CMSS1: variants seen among roughly 807,000 people sequenced by gnomAD.
The protein encoded by CMSS1 is protein CMSS1.
A neutral mutation model predicts 43.5 loss-of-function variants in CMSS1; 33 were observed. That is an observed-to-expected ratio of 0.76 (90% confidence interval 0.57 to 1.01). The LOEUF (loss-of-function observed/expected upper bound fraction) is 1.01. Ranked by LOEUF, CMSS1 falls within the 50% of genes least tolerant of loss-of-function variation. The probability of loss-of-function intolerance (pLI) is 0.00; values close to 1 mark genes in which losing one functional copy is unlikely to be tolerated. For missense variants in CMSS1, 313 were observed against 326.4 expected, an observed-to-expected ratio of 0.96 and a Z score of 0.32; for synonymous variants, 115 against 117.2, an observed-to-expected ratio of 0.98 and a Z score of 0.12.
chr3:100,121,820 A>G (rs2066624087), intron 1 of CMSS1, among the ~76,000 whole-genome samples: 2 of 152,162 alleles, frequency 1.3e-5, no homozygotes, highest in Admixed American at 1.3e-4. Flanking sequence ...TTGATGAAGG[A>G]TGCTGGGACC....
At chr3:99,822,593 G>A (rs528717170) in intron 1 of CMSS1, among the ~76,000 whole-genome samples, 5 of 152,148 alleles carry the variant, frequency 3.3e-5, no homozygotes, top group South Asian at 2.1e-4. Context: ...TTAGCTGGGC[G>A]TGGTGGCACG....
At chr3:99,850,078 G>C in intron 1 of CMSS1, 1 of 1,612,784 alleles carries the variant, frequency 6.2e-7, no homozygotes, top group Non-Finnish European at 8.5e-7. Context: ...AGTAACTGTT[G>C]TTACTTTATT....
intron 1 of CMSS1, among the ~76,000 whole-genome samples, chr3:100,038,137 G>A (rs2065142402): frequency 6.6e-6 from 1 of 151,962 alleles, no homozygotes; most frequent in South Asian, 2.1e-4. Context: ...TGTATTTTTA[G>A]TAGAGACAGA....
intron 1 of CMSS1, among the ~76,000 whole-genome samples, chr3:99,952,640 A>C (rs1708210296): frequency 6.6e-6 from 1 of 152,198 alleles, no homozygotes; most frequent in Non-Finnish European, 1.5e-5. Context: ...ACATACACAC[A>C]GAGAGAAAGA....
intron 7 of CMSS1, 116 bp downstream of exon 7, chr3:100,172,015 A>T (rs746213377): frequency 3.7e-6 from 3 of 801,234 alleles, no homozygotes; most frequent in Non-Finnish European, 6.1e-6. Flanking sequence ...TCCTTATGTA[A>T]CATTTAACAA....
At chr3:99,850,863 A>G (rs1576511762) in intron 1 of CMSS1, 1 of 1,614,044 alleles carries the variant, frequency 6.2e-7, no homozygotes. Context: ...CTAGTTTGGT[A>G]TGTGTTTCCT....
intron 1 of CMSS1, among the ~76,000 whole-genome samples, chr3:99,962,455 A>G (rs1012621793): frequency 2.0e-5 from 3 of 152,188 alleles, no homozygotes; most frequent in Admixed American, 1.3e-4. Context: ...TTGTTAGAGA[A>G]AGGATATATT....
intron 1 of CMSS1, chr3:99,849,308 T>A: frequency 2.5e-6 from 4 of 1,614,186 alleles, no homozygotes; most frequent in Non-Finnish European, 3.4e-6. Context: ...GGATCGGAAA[T>A]TCTTCTTCCA....
At chr3:100,063,095 C>A (rs373064121) in intron 1 of CMSS1, among the ~76,000 whole-genome samples, 5 of 152,094 alleles carry the variant, frequency 3.3e-5, no homozygotes, top group Non-Finnish European at 7.4e-5. Flanking sequence ...TATTATATGC[C>A]TCTTTGTCAT....
At chr3:99,973,714 TCAAAAA>T (rs1391963435) in intron 1 of CMSS1, among the ~76,000 whole-genome samples, 1 of 152,166 alleles carries the variant, frequency 6.6e-6, no homozygotes, top group African/African-American at 2.4e-5. Context: ...GGATCTGCAC[TCAAAAA>T]CCTATTTAAG....
intron 1 of CMSS1, among the ~76,000 whole-genome samples, chr3:99,947,368 T>C (rs1576593225): frequency 6.6e-6 from 1 of 152,228 alleles, no homozygotes; most frequent in Admixed American, 6.5e-5. Context: ...ATTTGATAGC[T>C]ACATAGTATT....
intron 1 of CMSS1, among the ~76,000 whole-genome samples, chr3:100,124,189 A>ATT (rs988675764): frequency 6.7e-6 from 1 of 149,344 alleles, no homozygotes; most frequent in African/African-American, 2.5e-5. Context: ...AAACATTCCT[A>ATT]TTTTTTTTTT....
chr3:100,082,430 T>C (rs530114485), intron 1 of CMSS1, among the ~76,000 whole-genome samples: 4 of 152,370 alleles, frequency 2.6e-5, no homozygotes, highest in African/African-American at 9.6e-5. Flanking sequence ...ACTGTTATCA[T>C]AACTTACAGC....
chr3:100,058,266 CAA>C (rs2065499601), intron 1 of CMSS1, among the ~76,000 whole-genome samples: 1 of 152,180 alleles, frequency 6.6e-6, no homozygotes, highest in Admixed American at 6.5e-5. Context: ...GTTCTATGTT[CAA>C]GGCACGGAAC....
chr3:100,013,033 A>G (rs775916681), intron 1 of CMSS1, among the ~76,000 whole-genome samples: 1 of 151,602 alleles, frequency 6.6e-6, no homozygotes, highest in South Asian at 2.1e-4. Flanking sequence ...CACCCAGCCA[A>G]TTTTTTTGTT....
intron 1 of CMSS1, among the ~76,000 whole-genome samples, chr3:99,869,463 T>C (rs78069697): frequency 0.012 from 1,763 of 152,288 alleles, 20 homozygotes; most frequent in African/African-American, 0.026. Flanking sequence ...AGTAGATAAT[T>C]TTCCTTTTAG....
chr3:99,840,296 T>A (rs1010731081), intron 1 of CMSS1, among the ~76,000 whole-genome samples: 1 of 138,914 alleles, frequency 7.2e-6, no homozygotes, highest in African/African-American at 2.7e-5. Context: ...TGATCTCAGA[T>A]CACTGCAACC....
chr3:99,839,068 C>T (rs972360210), intron 1 of CMSS1, among the ~76,000 whole-genome samples: 1 of 152,096 alleles, frequency 6.6e-6, no homozygotes, highest in Admixed American at 6.6e-5. Context: ...TTGTGGGCAC[C>T]TCTTTGGAGC....
intron 2 of CMSS1, among the ~76,000 whole-genome samples, chr3:100,151,635 C>T (rs770314878): frequency 2.0e-5 from 3 of 152,096 alleles, no homozygotes; most frequent in Admixed American, 6.5e-5. Context: ...CCATATTAAG[C>T]GAGTTAGTAA....
Sources: allele counts gnomAD v4.1 joint callset (sites outside exome capture counted in the v4.1 genomes callset), GRCh38; gene constraint gnomAD v4.1.1; transcripts MANE v1.5; gene names NCBI Gene and HGNC (gene_info 2026-07-23, HGNC 2026-07-21).